Variants in BLTP1 observed in about 807,000 individuals in gnomAD.
The protein encoded by BLTP1 is bridge-like lipid transfer protein family member 1.
the BLTP1 span, chr4:122,247,427 A>G: frequency 6.4e-6 from 10 of 1,556,730 alleles, no homozygotes; most frequent in Admixed American, 3.4e-5. Flanking sequence ...AGAAGGGAAC[A>G]TGTTTTTTTC....
At chr4:122,221,188 T>C in the BLTP1 span, 3 of 254,934 alleles carry the variant, frequency 1.2e-5, no homozygotes, top group Non-Finnish European at 1.9e-5. Context: ...AATGATCATT[T>C]ATTATGATTA....
chr4:122,358,107 G>GC, the BLTP1 span, among the ~76,000 whole-genome samples: 1 of 152,052 alleles, frequency 6.6e-6, no homozygotes, highest in African/African-American at 2.4e-5. Context: ...TTCACATACA[G>GC]CCCCAACAGA....
At chr4:122,325,642 TA>T in the BLTP1 span, 6 of 1,092,840 alleles carry the variant, frequency 5.5e-6, no homozygotes, top group Non-Finnish European at 7.0e-6. Context: ...TACACAAATG[TA>T]AACGTGGAAT....
the BLTP1 span, chr4:122,207,275 T>A: frequency 6.3e-7 from 1 of 1,585,228 alleles, no homozygotes; most frequent in Non-Finnish European, 8.6e-7. Flanking sequence ...GGTAAGACAT[T>A]AAAAAAAATT....
the BLTP1 span, among the ~76,000 whole-genome samples, chr4:122,217,887 C>T: frequency 6.6e-6 from 1 of 151,992 alleles, no homozygotes; most frequent in Non-Finnish European, 1.5e-5. Flanking sequence ...TTTTCTCTCT[C>T]ACTGTTTGTT....
chr4:122,229,250 T>G, the BLTP1 span: 4 of 1,590,200 alleles, frequency 2.5e-6, no homozygotes, highest in Non-Finnish European at 3.4e-6. Context: ...GGTAAGTGTT[T>G]TGCTTGGCTG....
the BLTP1 span, chr4:122,189,224 A>G: frequency 2.4e-6 from 2 of 837,814 alleles, no homozygotes; most frequent in Admixed American, 6.2e-5. Flanking sequence ...GTGATTTAAT[A>G]CATATTTAGA....
At chr4:122,318,564 G>T in the BLTP1 span, among the ~76,000 whole-genome samples, 1 of 152,090 alleles carries the variant, frequency 6.6e-6, no homozygotes, top group African/African-American at 2.4e-5. Flanking sequence ...TGTTTTGTCT[G>T]TTTTTCATGA....
chr4:122,307,686 A>G, the BLTP1 span: 2 of 985,140 alleles, frequency 2.0e-6, no homozygotes, highest in Non-Finnish European at 2.4e-6. Flanking sequence ...TTTCACAAAT[A>G]AGTTAGAGGG....
At chr4:122,163,717 G>T in the BLTP1 span, among the ~76,000 whole-genome samples, 2 of 152,204 alleles carry the variant, frequency 1.3e-5, no homozygotes, top group African/African-American at 4.8e-5. Context: ...ACAGAGTACA[G>T]AGAGGTTAGG....
At chr4:122,152,844 T>TG in the BLTP1 span, 5 of 384,288 alleles carry the variant, frequency 1.3e-5, no homozygotes, top group African/African-American at 2.2e-5. Flanking sequence ...TTCCTGCGGG[T>TG]GATGGTAAGG....
chr4:122,356,070 TG>T, the BLTP1 span: 1 of 1,005,592 alleles, frequency 9.9e-7, no homozygotes, highest in Non-Finnish European at 1.4e-6. Context: ...ATGGATTTTT[TG>T]TAATACTAAT....
At chr4:122,291,979 T>C in the BLTP1 span, 2 of 273,936 alleles carry the variant, frequency 7.3e-6, no homozygotes, top group African/African-American at 4.7e-5. Context: ...TTTTTTTTTT[T>C]TTTTTTTTTT....
chr4:122,154,969 A>G, the BLTP1 span: 10 of 929,300 alleles, frequency 1.1e-5, no homozygotes, highest in East Asian at 7.0e-4. Flanking sequence ...ATTTTTTATG[A>G]ATTCTACAGA....
At chr4:122,323,248 C>T in the BLTP1 span, among the ~76,000 whole-genome samples, 1 of 152,090 alleles carries the variant, frequency 6.6e-6, no homozygotes, top group Admixed American at 6.6e-5. Context: ...AGTTGTCCTT[C>T]CTTGTCGCCT....
the BLTP1 span, chr4:122,188,025 A>G: frequency 1.9e-6 from 3 of 1,587,568 alleles, no homozygotes; most frequent in South Asian, 1.2e-5. Context: ...GTGAAAGGAA[A>G]GCTTGAAAAT....
At chr4:122,256,590 C>T in the BLTP1 span, among the ~76,000 whole-genome samples, 2 of 152,124 alleles carry the variant, frequency 1.3e-5, no homozygotes, top group African/African-American at 2.4e-5. Context: ...TGATAGGAAA[C>T]AGGATGGAGA....
chr4:122,169,651 C>A, the BLTP1 span: 5 of 961,642 alleles, frequency 5.2e-6, no homozygotes, highest in Non-Finnish European at 6.2e-6. Context: ...TCATATTCAT[C>A]CTACTGTGTG....
the BLTP1 span, chr4:122,249,530 A>C: frequency 6.2e-7 from 1 of 1,613,654 alleles, no homozygotes; most frequent in African/African-American, 1.3e-5. Context: ...GAGAAGTCCA[A>C]AGTTTTATTT....
Sources: gnomAD v4.1 joint callset for allele counts (sites outside exome capture counted in the v4.1 genomes callset) on GRCh38, gnomAD v4.1.1 for gene constraint, MANE v1.5 for transcripts, NCBI Gene and HGNC (gene_info 2026-07-23, HGNC 2026-07-21) for gene names.